The following DYM variants were observed in gnomAD, a reference collection of about 807,000 sequenced individuals.
DYM encodes dyggve-Melchior-Clausen syndrome protein.
Under a neutral mutation model 93.1 loss-of-function variants are expected in DYM, and 78 were observed. The ratio of observed to expected loss-of-function variants is 0.84; its 90% CI spans 0.70 to 1.01. DYM has a LOEUF of 1.01. DYM is among the 50% of genes least tolerant of loss of function. The probability of loss-of-function intolerance (pLI) is 0.00; values close to 1 mark genes in which losing one functional copy is unlikely to be tolerated. For missense variants in DYM, 789 were observed against 845.0 expected, an observed-to-expected ratio of 0.93 and a Z score of 0.82; for synonymous variants, 321 against 319.7, an observed-to-expected ratio of 1.00 and a Z score of -0.04.
At chr18:49,168,565 CAG>C (rs1555787008) in intron 14 of DYM, among the ~76,000 whole-genome samples, 394 of 152,180 alleles carry the variant, frequency 2.6e-3, no homozygotes, top group African/African-American at 8.6e-3. Flanking sequence ...AGTTTGAAGC[CAG>C]ACTGTGAAGG....
At chr18:49,289,406 A>T (rs1240727738) in intron 8 of DYM, among the ~76,000 whole-genome samples, 7 of 5,108 alleles carry the variant, frequency 1.4e-3, no homozygotes, top group Admixed American at 5.8e-3. Flanking sequence ...CAAATCAGTA[A>T]AAAAAAAAAA....
At chr18:49,296,483 C>G (rs1015813361) in intron 8 of DYM, among the ~76,000 whole-genome samples, 2 of 152,050 alleles carry the variant, frequency 1.3e-5, no homozygotes, top group Non-Finnish European at 2.9e-5. Flanking sequence ...ACACTAATGC[C>G]CTACCCACGC....
intron 5 of DYM, among the ~76,000 whole-genome samples, chr18:49,370,998 C>T (rs1008978464): frequency 3.9e-5 from 6 of 152,090 alleles, no homozygotes; most frequent in African/African-American, 9.7e-5. Flanking sequence ...AGTAAGCAAA[C>T]GCTAAGATAG....
chr18:49,338,330 T>G (rs1172502291), intron 6 of DYM, among the ~76,000 whole-genome samples: 3 of 152,216 alleles, frequency 2.0e-5, no homozygotes, highest in African/African-American at 7.2e-5. Flanking sequence ...GACAATACTA[T>G]GAAGATAATA....
intron 13 of DYM, among the ~76,000 whole-genome samples, chr18:49,248,067 C>T (rs756409281): frequency 2.0e-5 from 3 of 152,214 alleles, no homozygotes; most frequent in Non-Finnish European, 4.4e-5. Context: ...TTTTTATTGC[C>T]TGGGCATTGG....
chr18:49,305,484 A>C (rs1261858994), intron 8 of DYM, among the ~76,000 whole-genome samples: 1 of 152,204 alleles, frequency 6.6e-6, no homozygotes, highest in Non-Finnish European at 1.5e-5. Flanking sequence ...TGTAACTGAA[A>C]GACAGAATCT....
At chr18:49,173,728 T>C (rs765740081) in intron 14 of DYM, among the ~76,000 whole-genome samples, 2 of 152,134 alleles carry the variant, frequency 1.3e-5, no homozygotes, top group Non-Finnish European at 2.9e-5. Context: ...AGTAGGTTTC[T>C]TGTAGATTCA....
intron 5 of DYM, among the ~76,000 whole-genome samples, chr18:49,363,987 T>C (rs2066286112): frequency 6.6e-6 from 1 of 152,240 alleles, no homozygotes; most frequent in Non-Finnish European, 1.5e-5. Context: ...TCAGTTCTTA[T>C]AATACTTTAT....
chr18:49,179,659 T>C (rs1003062025), intron 14 of DYM, among the ~76,000 whole-genome samples: 13 of 152,138 alleles, frequency 8.5e-5, no homozygotes, highest in African/African-American at 2.9e-4. Flanking sequence ...AGAGAAATCA[T>C]TGTCAACATA....
At position 49,379,542 on chromosome 18, in the gene DYM, A is replaced by T; in HGVS notation, c.287+123T>A. The T allele has an allele frequency of 1.4e-5, 12 of 858,310 alleles. No individual in the cohort carries two copies. In the Admixed American group the frequency reaches 1.6e-4, roughly 12 times the overall value. The allele number at this position is 858,310 out of a possible 1,614,324, so 53.2% of individuals were successfully genotyped here. On this transcript the variant is annotated intron_variant, in intron 4 of 17. Coordinates refer to ENST00000675505, the MANE Select transcript of DYM (RefSeq NM_001353214.3). ...TAAAACCTCTCTACCTTTTTTTCTT[A>T]ATAATGAGAATAATTCCTTCACAGA...
intron 14 of DYM, among the ~76,000 whole-genome samples, chr18:49,196,727 G>C (rs1053203780): frequency 2.0e-5 from 3 of 152,188 alleles, no homozygotes; most frequent in Admixed American, 6.5e-5. Context: ...TATGGCTAGA[G>C]AATGTAGCAT....
chr18:49,454,777 C>T (rs1014025481), intron 1 of DYM, among the ~76,000 whole-genome samples: 2 of 151,600 alleles, frequency 1.3e-5, no homozygotes, highest in African/African-American at 4.9e-5. Context: ...GCATTGTGGC[C>T]GGCGCCTGTA....
intron 17 of DYM, among the ~76,000 whole-genome samples, chr18:49,090,497 G>C (rs572514031): frequency 6.6e-6 from 1 of 152,348 alleles, no homozygotes; most frequent in African/African-American, 2.4e-5. Flanking sequence ...CTATAAGCTA[G>C]AAGCAGATTT....
intron 14 of DYM, among the ~76,000 whole-genome samples, chr18:49,179,517 T>A (rs995340111): frequency 6.6e-6 from 1 of 152,128 alleles, no homozygotes; most frequent in African/African-American, 2.4e-5. Context: ...ACACAATATA[T>A]CTTCAGGTCT....
chr18:49,417,586 T>C (rs1017379756), intron 2 of DYM, among the ~76,000 whole-genome samples: 7 of 152,020 alleles, frequency 4.6e-5, no homozygotes, highest in Admixed American at 1.3e-4. Context: ...GAAGTTAATA[T>C]ATAGAAGGCT....
chr18:49,295,232 A>G (rs1375145658), intron 8 of DYM, among the ~76,000 whole-genome samples: 1 of 152,230 alleles, frequency 6.6e-6, no homozygotes, highest in African/African-American at 2.4e-5. Flanking sequence ...GTTATTGAAC[A>G]TGCATTTCAG....
At chr18:49,052,578 A>T (rs1215895345) in intron 17 of DYM, among the ~76,000 whole-genome samples, 1 of 152,194 alleles carries the variant, frequency 6.6e-6, no homozygotes, top group African/African-American at 2.4e-5. Context: ...TGTGAGGCTA[A>T]GGGAAGTCCA....
chr18:49,281,969 C>T lies in DYM; in HGVS notation c.1125+28G>A, dbSNP rs199651575. On this transcript the variant is annotated intron_variant, in intron 10 of 17. Coordinates refer to ENST00000675505, the MANE Select transcript of DYM (RefSeq NM_001353214.3). ...AAGTATAATTAAAAAAAAATACAAA[C>T]GCATGGAATGTTTAGTATGATACTT... The T allele has an allele frequency of 1.2e-3, 1,986 of 1,603,244 alleles. 34 individuals are homozygous for T. In the South Asian group the frequency reaches 0.014, roughly 11 times the overall value.
At chr18:49,213,215 C>T (rs1307737504) in intron 13 of DYM, among the ~76,000 whole-genome samples, 2 of 151,684 alleles carry the variant, frequency 1.3e-5, no homozygotes, top group African/African-American at 4.8e-5. Context: ...AAAAAGATTC[C>T]AAGGTGAAGT....
Sources: gnomAD v4.1 joint callset for allele counts (sites outside exome capture counted in the v4.1 genomes callset) on GRCh38, gnomAD v4.1.1 for gene constraint, MANE v1.5 for transcripts, NCBI Gene and HGNC (gene_info 2026-07-23, HGNC 2026-07-21) for gene names.